Variants in EIF4A3 observed in about 807,000 individuals in gnomAD.
EIF4A3 encodes the protein eukaryotic initiation factor 4A-III.
Under a neutral mutation model 55.6 loss-of-function variants are expected in EIF4A3, and 1 was observed. The ratio of observed to expected loss-of-function variants is 0.02; its 90% CI spans 0.01 to 0.09. The LOEUF (loss-of-function observed/expected upper bound fraction) is 0.09. EIF4A3 is among the 10% of genes least tolerant of loss of function. The probability of loss-of-function intolerance (pLI) is 1.00; values close to 1 mark genes in which losing one functional copy is unlikely to be tolerated. For missense variants in EIF4A3, 221 were observed against 540.7 expected (o/e 0.41, Z 5.86); for synonymous variants, 194 against 196.3 (o/e 0.99, Z 0.10).
chr17:80,140,355 C>T, intron 4 of EIF4A3: 1 of 486,190 alleles, frequency 2.1e-6, no homozygotes, highest in Non-Finnish European at 3.3e-6. Context: ...ACTCTGTGGC[C>T]CATGCTGGGG....
intron 4 of EIF4A3, among the ~76,000 whole-genome samples, chr17:80,140,729 G>A (rs4889830): frequency 0.55 from 83,016 of 151,990 alleles, 22,781 homozygotes; most frequent in South Asian, 0.65. Flanking sequence ...GAAGAAACCA[G>A]CATTAACATC....
At chr17:80,144,861 T>C (rs2039647086) in intron 1 of EIF4A3, among the ~76,000 whole-genome samples, 1 of 152,178 alleles carries the variant, frequency 6.6e-6, no homozygotes, top group African/African-American at 2.4e-5. Context: ...ACCATCTCTC[T>C]TGCAAAGCAA....
At chr17:80,140,313 C>A in intron 4 of EIF4A3, 173 bp from the exon 5 acceptor site, 1 of 418,346 alleles carries the variant, frequency 2.4e-6, no homozygotes, top group Non-Finnish European at 3.6e-6. Context: ...GTTAATTTTG[C>A]TTTTTTTTTT....
Position 80,135,156 on chromosome 17 carries a change from A to G in EIF4A3, c.*334T>C. The G allele has an allele frequency of 4.4e-6, 1 of 228,028 alleles. No individual in the cohort carries two copies. Among genetic ancestry groups the G allele is most frequent in the Non-Finnish European group, 8.5e-6 (1 of 117,776 alleles). 14.1% of individuals were successfully genotyped at this position (228,028 alleles called of 1,614,324 possible). A position where few individuals can be genotyped will look rare whatever the true frequency, so the allele number is the denominator to read the frequency against. ...AACAGAGGGAGACTGTCTCAAAAAAAAAAAAGAAAAAGAAAAGAAAAAAAG... is the reference window on the plus strand; with the variant it reads ...AACAGAGGGAGACTGTCTCAAAAAAGAAAAAGAAAAAGAAAAGAAAAAAAG... On this transcript the variant is annotated 3_prime_UTR_variant, in exon 12 of 12. Coordinates refer to ENST00000649764, the MANE Select transcript of EIF4A3 (RefSeq NM_014740.4).
chr17:80,135,594 A>C, intron 11 of EIF4A3, 88 bp from the exon 12 acceptor site: 1 of 1,219,654 alleles, frequency 8.2e-7, no homozygotes, highest in Non-Finnish European at 1.2e-6. Flanking sequence ...CTCACAACAG[A>C]CTTCTCAAAA....
At position 80,136,092 on chromosome 17, in the gene EIF4A3, G is replaced by C. The variant is rs1184191029; in HGVS notation, c.1131C>G (p.Ala377=). 6.2e-7 allele frequency: 1 copy of C among 1,614,054 alleles called. No individual in the cohort carries two copies. Among genetic ancestry groups the C allele is most frequent in the Non-Finnish European group, 8.5e-7 (1 of 1,180,016 alleles). The change falls in exon 11 of 12, where the codon GCC becomes GCG. Residue 377 remains alanine (A), a synonymous_variant. Transcript: ENST00000649764. ...TGTCGTCATTCTTTACAAAGTTAAT[G>C]GCCACACCCTTCCGGCCGTATCGAC... ...RSGRYGRKGV[A]INFVKNDDIR... is the part of the protein sequence containing the mutation.
chr17:80,142,119 A>G (rs538421911), intron 2 of EIF4A3, among the ~76,000 whole-genome samples: 1 of 152,328 alleles, frequency 6.6e-6, no homozygotes, highest in Admixed American at 6.5e-5. Context: ...GTGTCAGAAA[A>G]AGGAGGACTC....
At chr17:80,136,455 C>T in intron 9 of EIF4A3, 120 bp from the exon 10 acceptor site, 1 of 739,078 alleles carries the variant, frequency 1.4e-6, no homozygotes, top group Non-Finnish European at 2.2e-6. Context: ...CGAGATTCTC[C>T]TCTCTCAACA....
At chr17:80,142,057 G>A (rs530632468) in intron 2 of EIF4A3, among the ~76,000 whole-genome samples, 12 of 152,318 alleles carry the variant, frequency 7.9e-5, no homozygotes, top group African/African-American at 2.9e-4. Flanking sequence ...CATGGCTTCT[G>A]CACGGGGGCA....
intron 7 of EIF4A3, 55 bp from the exon 8 acceptor site, chr17:80,138,335 G>A: frequency 2.5e-6 from 4 of 1,601,026 alleles, no homozygotes; most frequent in Non-Finnish European, 2.6e-6. Flanking sequence ...TAGGACTTGA[G>A]GGTGGGCCAA....
chr17:80,135,173 G>A lies in EIF4A3; in HGVS notation c.*317C>T, dbSNP rs117481396. The A allele has an allele frequency of 9.3e-3, 2,510 of 271,002 alleles. 16 individuals are homozygous for A. The highest frequency in any genetic ancestry group is 0.012 in the Non-Finnish European group (1,727 of 145,852). 16.8% of individuals were successfully genotyped at this position (271,002 alleles called of 1,614,324 possible). A position where few individuals can be genotyped will look rare whatever the true frequency, so the allele number is the denominator to read the frequency against. ...TCAAAAAAAAAAAAGAAAAAGAAAA[G>A]AAAAAAAGAAAAGTGAGTGAAATGA... On this transcript the variant is annotated 3_prime_UTR_variant, in exon 12 of 12. Transcript: ENST00000649764.
chr17:80,137,136 G>C, intron 9 of EIF4A3: 1 of 352,730 alleles, frequency 2.8e-6, no homozygotes, highest in Non-Finnish European at 5.1e-6. Flanking sequence ...TGGAAAAGAA[G>C]ACACACGCTT....
Position 80,135,053 on chromosome 17 carries a change from G to A in EIF4A3, c.*437C>T, listed in dbSNP as rs1206355396. Among the ~76,000 whole-genome samples, 1 of 151,872 alleles carries A rather than the reference G, an allele frequency of 6.6e-6. No individual in the cohort carries two copies. Among genetic ancestry groups the A allele is most frequent in the African/African-American group, 2.4e-5 (1 of 41,334 alleles). On this transcript the variant is annotated 3_prime_UTR_variant, in exon 12 of 12. Coordinates refer to ENST00000649764, the MANE Select transcript of EIF4A3 (RefSeq NM_014740.4). ...TGTACTCCCAGCTACGTGGGAGGCT[G>A]AGGTAGGAGAATGGCATGAACCCAG...
At chr17:80,140,232 C>T in intron 4 of EIF4A3, 92 bp from the exon 5 acceptor site, 17 of 1,359,694 alleles carry the variant, frequency 1.3e-5, no homozygotes, top group African/African-American at 1.5e-5. Context: ...GAGATGATCA[C>T]CGATTATTAT....
At chr17:80,139,869 C>CA (rs2039603433) in intron 5 of EIF4A3, 119 bp from the exon 6 acceptor site, 2 of 1,495,994 alleles carry the variant, frequency 1.3e-6, no homozygotes, top group African/African-American at 2.8e-5. Flanking sequence ...GTTCCAGAGA[C>CA]CTTCCCTCTA....
At chr17:80,142,323 T>C (rs533974824) in intron 2 of EIF4A3, among the ~76,000 whole-genome samples, 8 of 152,352 alleles carry the variant, frequency 5.3e-5, no homozygotes, top group African/African-American at 1.2e-4. Flanking sequence ...ACAGCTCCCA[T>C]AGCCCTTATT....
intron 1 of EIF4A3, among the ~76,000 whole-genome samples, chr17:80,145,864 G>A (rs1315853191): frequency 6.6e-6 from 1 of 152,020 alleles, no homozygotes. Context: ...ATCAGCCAAT[G>A]CTGTCAGCTC....
Position 80,134,616 on chromosome 17 carries a change from G to A in EIF4A3, c.*874C>T, listed in dbSNP as rs1418345277. 6.6e-6 allele frequency among the ~76,000 whole-genome samples: 1 copy of A among 152,056 alleles called. No homozygotes were observed. Among genetic ancestry groups the A allele is most frequent in the African/African-American group, 2.4e-5 (1 of 41,390 alleles). ...AGATGGGAGAATCACTTAAACCCATGAGTGACAGACCAGCCTAGGCCACAA... is the reference window on the plus strand; with the variant it reads ...AGATGGGAGAATCACTTAAACCCATAAGTGACAGACCAGCCTAGGCCACAA... On this transcript the variant is annotated 3_prime_UTR_variant, in exon 12 of 12. Coordinates refer to ENST00000649764, the MANE Select transcript of EIF4A3 (RefSeq NM_014740.4).
intron 2 of EIF4A3, 152 bp from the exon 3 acceptor site, chr17:80,142,000 G>A (rs2039622604): frequency 5.2e-6 from 3 of 580,740 alleles, no homozygotes; most frequent in African/African-American, 1.9e-5. Flanking sequence ...GCAGGACTCG[G>A]GCCCAGTGTC....
Sources: allele counts gnomAD v4.1 joint callset (sites outside exome capture counted in the v4.1 genomes callset), GRCh38; gene constraint gnomAD v4.1.1; transcripts MANE v1.5; gene names NCBI Gene and HGNC (gene_info 2026-07-23, HGNC 2026-07-21).